Variants in ZNF804B observed in about 807,000 individuals in gnomAD.
ZNF804B encodes zinc finger 804B.
A neutral mutation model predicts 101.4 loss-of-function variants in ZNF804B; 80 were observed. That is an observed-to-expected ratio of 0.79 (90% confidence interval 0.66 to 0.95). ZNF804B has a LOEUF of 0.95. Ranked by LOEUF, ZNF804B falls within the 40% of genes least tolerant of loss-of-function variation. ZNF804B has a pLI of 0.00. For synonymous variants in ZNF804B, 622 were observed against 558.8 expected, an observed-to-expected ratio of 1.11 and a Z score of -1.59; for missense variants, 1,673 against 1,561.9, an observed-to-expected ratio of 1.07 and a Z score of -1.20.
chr7:89,040,880 G>T (rs1371546847), intron 1 of ZNF804B, among the ~76,000 whole-genome samples: 2 of 152,104 alleles, frequency 1.3e-5, no homozygotes, highest in Admixed American at 1.3e-4. Context: ...TGTGGAAGCT[G>T]GCCTGGTGCT....
intron 1 of ZNF804B, among the ~76,000 whole-genome samples, chr7:89,177,884 G>A (rs983273072): frequency 6.6e-6 from 1 of 151,172 alleles, no homozygotes; most frequent in African/African-American, 2.4e-5. Context: ...ACAGTGAGCC[G>A]ACACAGCGCC....
At chr7:89,112,771 G>C (rs961887362) in intron 1 of ZNF804B, among the ~76,000 whole-genome samples, 1 of 152,174 alleles carries the variant, frequency 6.6e-6, no homozygotes, top group Middle Eastern at 3.2e-3. Flanking sequence ...AGAGTGAAGA[G>C]AGAGGAATTA....
chr7:89,246,982 C>A (rs527337688), intron 2 of ZNF804B, among the ~76,000 whole-genome samples: 1 of 152,264 alleles, frequency 6.6e-6, no homozygotes, highest in South Asian at 2.1e-4. Flanking sequence ...GTTGCCCCAC[C>A]ATTCCTGTGA....
intron 1 of ZNF804B, among the ~76,000 whole-genome samples, chr7:89,045,387 C>A (rs1789089674): frequency 6.6e-6 from 1 of 152,312 alleles, no homozygotes; most frequent in Admixed American, 6.5e-5. Context: ...CCTAGTAGAG[C>A]TGTTAGAAAA....
At chr7:89,197,157 T>G (rs2115636238) in intron 1 of ZNF804B, among the ~76,000 whole-genome samples, 1 of 151,946 alleles carries the variant, frequency 6.6e-6, no homozygotes, top group South Asian at 2.1e-4. Context: ...GTGTCACACA[T>G]TTACCTATGT....
intron 2 of ZNF804B, among the ~76,000 whole-genome samples, chr7:89,254,378 A>G: frequency 6.6e-6 from 1 of 152,078 alleles, no homozygotes; most frequent in South Asian, 2.1e-4. Context: ...TGAAATGCCT[A>G]ATAATTAAAC....
At chr7:88,963,684 T>A (rs569368189) in intron 1 of ZNF804B, among the ~76,000 whole-genome samples, 153 of 151,392 alleles carry the variant, frequency 1.0e-3, no homozygotes, top group South Asian at 2.3e-3. Flanking sequence ...TTGTATATCA[T>A]CAAAATTAAA....
At chr7:89,305,367 G>A (rs1242837899) in intron 2 of ZNF804B, among the ~76,000 whole-genome samples, 1 of 151,868 alleles carries the variant, frequency 6.6e-6, no homozygotes, top group Non-Finnish European at 1.5e-5. Flanking sequence ...CAAGATGAGG[G>A]TCACATGCAC....
intron 1 of ZNF804B, among the ~76,000 whole-genome samples, chr7:89,067,853 T>A (rs1344010013): frequency 6.9e-6 from 1 of 144,216 alleles, no homozygotes; most frequent in Non-Finnish European, 1.5e-5. Context: ...AGACAGAGTC[T>A]TACTCTGTCA....
chr7:88,883,735 A>G (rs1354062893), intron 1 of ZNF804B, among the ~76,000 whole-genome samples: 2 of 152,080 alleles, frequency 1.3e-5, no homozygotes, highest in Non-Finnish European at 2.9e-5. Context: ...CCGTATTTTA[A>G]AAATCATGAG....
intron 1 of ZNF804B, among the ~76,000 whole-genome samples, chr7:89,109,845 T>C (rs1224316573): frequency 1.3e-5 from 2 of 152,132 alleles, no homozygotes; most frequent in Non-Finnish European, 2.9e-5. Flanking sequence ...CTAAAGTGAG[T>C]TTATATGTCT....
In ZNF804B at chr7:88,926,413, C is replaced by G. The variant is rs188215638; in HGVS notation, c.108+166329C>G. Among the ~76,000 whole-genome samples the G allele has an allele frequency of 7.0e-5, 10 of 143,760 alleles. No individual in the cohort carries two copies. In the East Asian group the frequency reaches 2.2e-3, roughly 31 times the overall value. The allele number at this position is 143,760 out of a possible 152,430, so 94.3% of individuals were successfully genotyped here. A position where few individuals can be genotyped will look rare whatever the true frequency, so the allele number is the denominator to read the frequency against. On this transcript the variant is annotated intron_variant, in intron 1 of 3. Coordinates refer to ENST00000333190, the MANE Select transcript of ZNF804B (RefSeq NM_181646.5). ...AGCAGCCTGGTCAACATGGCGAAAC[C>G]CCATGTCTATTAAAAATACAAAAAA... is the stretch of plus-strand genomic sequence containing the variant.
At chr7:88,961,021 G>C (rs1315938602) in intron 1 of ZNF804B, among the ~76,000 whole-genome samples, 2 of 151,350 alleles carry the variant, frequency 1.3e-5, no homozygotes, top group Non-Finnish European at 3.0e-5. Flanking sequence ...AGGAACTTCA[G>C]AGAGTTTTAG....
rs533697071 is a variant in ZNF804B, at chr7:88,982,744, A to G, written c.108+222660A>G. On this transcript the variant is annotated intron_variant, in intron 1 of 3. Coordinates refer to ENST00000333190, the MANE Select transcript of ZNF804B (RefSeq NM_181646.5). Reference sequence around the variant, plus strand: ...GACTTCAATTTATGAATTTAGGGGAACAGTATTCAACCTATATCACCCACA... The same window carrying G: ...GACTTCAATTTATGAATTTAGGGGAGCAGTATTCAACCTATATCACCCACA... 2.6e-5 allele frequency among the ~76,000 whole-genome samples: 4 copies of G among 152,182 alleles called. No individual in the cohort carries two copies. The South Asian group carries it at 8.3e-4, about 32-fold the overall frequency.
intron 2 of ZNF804B, among the ~76,000 whole-genome samples, chr7:89,298,214 GTGTATATATATATATATA>G (rs1399203686): frequency 6.8e-5 from 4 of 58,712 alleles, no homozygotes; most frequent in Admixed American, 2.6e-4. Flanking sequence ...GTGTGTGTGT[GTGTATATATATATATATA>G]TATATATATA....
intron 1 of ZNF804B, among the ~76,000 whole-genome samples, chr7:88,907,969 G>C (rs891079714): frequency 6.6e-6 from 1 of 151,844 alleles, no homozygotes; most frequent in African/African-American, 2.4e-5. Context: ...AAACAACTTT[G>C]TTATGAATTA....
intron 1 of ZNF804B, among the ~76,000 whole-genome samples, chr7:88,765,717 C>T (rs1487323928): frequency 6.6e-6 from 1 of 151,996 alleles, no homozygotes; most frequent in African/African-American, 2.4e-5. Context: ...TCAAGTAGCC[C>T]TTATAAAATG....
chr7:89,294,788 C>T (rs1050856247), intron 2 of ZNF804B, among the ~76,000 whole-genome samples: 1 of 151,702 alleles, frequency 6.6e-6, no homozygotes, highest in African/African-American at 2.4e-5. Context: ...TTTTTAAGTT[C>T]TGGGAGAATT....
At chr7:89,312,672 T>C (rs760416278) in intron 2 of ZNF804B, among the ~76,000 whole-genome samples, 27 of 152,116 alleles carry the variant, frequency 1.8e-4, no homozygotes, top group Non-Finnish European at 3.8e-4. Flanking sequence ...TCACTATGTG[T>C]TTGTATTGCA....
Sources: gnomAD v4.1 joint callset for allele counts (sites outside exome capture counted in the v4.1 genomes callset) on GRCh38, gnomAD v4.1.1 for gene constraint, MANE v1.5 for transcripts, NCBI Gene and HGNC (gene_info 2026-07-23, HGNC 2026-07-21) for gene names.